AGBL1: variants seen among roughly 807,000 people sequenced by gnomAD.
The protein encoded by AGBL1 is AGBL carboxypeptidase 1.
Under a neutral mutation model 118.9 loss-of-function variants are expected in AGBL1, and 130 were observed. The ratio of observed to expected loss-of-function variants is 1.09; its 90% confidence interval spans 0.95 to 1.26. AGBL1 has a LOEUF of 1.26. AGBL1 is among the 50% of genes most tolerant of loss of function. AGBL1 has a pLI of 0.00. For missense variants in AGBL1, 1,584 were observed against 1,298.1 expected (o/e 1.22, Z -3.38); for synonymous variants, 555 against 478.9 (o/e 1.16, Z -2.08).
intron 5 of AGBL1, among the ~76,000 whole-genome samples, chr15:86,200,287 A>C (rs1003989448): frequency 6.6e-6 from 1 of 152,216 alleles, no homozygotes; most frequent in East Asian, 1.9e-4. Context: ...AAATTGATGG[A>C]TCAGAGACTT....
chr15:86,888,073 G>A (rs765621177), intron 22 of AGBL1, among the ~76,000 whole-genome samples: 2 of 152,052 alleles, frequency 1.3e-5, no homozygotes, highest in South Asian at 2.1e-4. Context: ...TGCATCTTGC[G>A]GGAGCATCAA....
chr15:86,848,287 A>G (rs1424353052), intron 22 of AGBL1, among the ~76,000 whole-genome samples: 1 of 152,044 alleles, frequency 6.6e-6, no homozygotes, highest in Non-Finnish European at 1.5e-5. Flanking sequence ...TTTATTTTTT[A>G]GTTTTTACTT....
At chr15:86,672,127 G>C (rs79963602) in intron 21 of AGBL1, among the ~76,000 whole-genome samples, 1 of 151,962 alleles carries the variant, frequency 6.6e-6, no homozygotes, top group Non-Finnish European at 1.5e-5. Flanking sequence ...AGAGTAAAGA[G>C]AAAAAAACAG....
intron 17 of AGBL1, among the ~76,000 whole-genome samples, chr15:86,357,264 C>T (rs1467175268): frequency 6.6e-6 from 1 of 152,098 alleles, no homozygotes; most frequent in African/African-American, 2.4e-5. Flanking sequence ...AATTTTCTTC[C>T]AGTTAGAAGA....
chr15:86,522,107 A>G (rs939096793), intron 18 of AGBL1, among the ~76,000 whole-genome samples: 2 of 152,150 alleles, frequency 1.3e-5, no homozygotes, highest in Admixed American at 6.5e-5. Flanking sequence ...TCACTTTTGT[A>G]AAGTAACTTG....
At chr15:86,143,526 C>T (rs927275500) in intron 2 of AGBL1, among the ~76,000 whole-genome samples, 173 bp from the exon 3 acceptor site, 10 of 152,226 alleles carry the variant, frequency 6.6e-5, no homozygotes, top group African/African-American at 2.4e-4. Context: ...TCACAACCCT[C>T]TTCCCTTAAC....
chr15:86,480,715 G>C (rs2082639831), intron 18 of AGBL1, among the ~76,000 whole-genome samples: 1 of 151,904 alleles, frequency 6.6e-6, no homozygotes, highest in Non-Finnish European at 1.5e-5. Flanking sequence ...AAGCAGAAAG[G>C]AAGATAAGAT....
At chr15:86,087,798 C>T (rs998212751) in intron 1 of AGBL1, among the ~76,000 whole-genome samples, 3 of 152,194 alleles carry the variant, frequency 2.0e-5, no homozygotes, top group Admixed American at 6.5e-5. Flanking sequence ...GTGCCCTCAC[C>T]AGGTGCATTA....
chr15:86,413,302 A>T (rs2081647149), intron 18 of AGBL1, among the ~76,000 whole-genome samples: 1 of 152,224 alleles, frequency 6.6e-6, no homozygotes, highest in Admixed American at 6.5e-5. Context: ...CAAGGATAAC[A>T]TATTTGCAAT....
At chr15:86,902,696 T>C (rs58836065) in intron 22 of AGBL1, among the ~76,000 whole-genome samples, 1,717 of 152,276 alleles carry the variant, frequency 0.011, 36 homozygotes, top group African/African-American at 0.039. Flanking sequence ...GGTTGTCAGT[T>C]CTTTGCTTTC....
intron 1 of AGBL1, among the ~76,000 whole-genome samples, chr15:86,126,981 C>T (rs973267147): frequency 6.6e-6 from 1 of 152,162 alleles, no homozygotes; most frequent in Non-Finnish European, 1.5e-5. Flanking sequence ...CCAATGAGCT[C>T]ATGATATGGC....
At chr15:86,466,159 C>A (rs1031217836) in intron 18 of AGBL1, among the ~76,000 whole-genome samples, 1 of 152,206 alleles carries the variant, frequency 6.6e-6, no homozygotes, top group Non-Finnish European at 1.5e-5. Context: ...GGTCTTTTCA[C>A]ATAATCCCAT....
chr15:86,284,168 C>G (rs2079402648), intron 16 of AGBL1, among the ~76,000 whole-genome samples: 1 of 143,040 alleles, frequency 7.0e-6, no homozygotes, highest in Non-Finnish European at 1.5e-5. Context: ...ATACCCGTTC[C>G]ATAATTCATA....
intron 22 of AGBL1, among the ~76,000 whole-genome samples, chr15:86,722,555 T>G (rs1465697787): frequency 6.6e-6 from 1 of 152,164 alleles, no homozygotes; most frequent in African/African-American, 2.4e-5. Context: ...ATAAAAACCC[T>G]AGAAGAAAAC....
intron 22 of AGBL1, among the ~76,000 whole-genome samples, chr15:86,813,214 CAG>C (rs887135521): frequency 2.7e-4 from 41 of 151,412 alleles, no homozygotes; most frequent in African/African-American, 9.2e-4. Context: ...GGGGGGGCCT[CAG>C]GGGATGTGGA....
At chr15:86,250,912 C>A (rs563931342) in intron 7 of AGBL1, among the ~76,000 whole-genome samples, 19 of 152,296 alleles carry the variant, frequency 1.2e-4, no homozygotes, top group African/African-American at 4.6e-4. Context: ...TTGCCATTTG[C>A]AAATTATGCT....
At position 86,749,801 on chromosome 15, in the gene AGBL1, C is replaced by G. The variant is rs150873449; in HGVS notation, c.3158+75365C>G. On this transcript the variant is annotated intron_variant, in intron 22 of 22. Coordinates refer to ENST00000614907, the MANE Select transcript of AGBL1 (RefSeq NM_001386094.1). ...TTTTGTCTTTGGTTCTGTTTATATG[C>G]TGGATTACTTTTATTGATTTGCGTA... is the stretch of plus-strand genomic sequence containing the variant. Among the ~76,000 whole-genome samples the G allele has an allele frequency of 6.2e-3, 944 of 152,194 alleles. 6 individuals are homozygous for G. Among genetic ancestry groups the G allele is most frequent in the Non-Finnish European group, 0.012 (786 of 68,002 alleles).
intron 21 of AGBL1, among the ~76,000 whole-genome samples, chr15:86,557,110 C>T (rs1329487176): frequency 1.3e-5 from 2 of 152,138 alleles, no homozygotes; most frequent in African/African-American, 4.8e-5. Context: ...CTTTGGGATA[C>T]AGTCTCTGTT....
At chr15:86,313,479 C>T (rs900985084) in intron 17 of AGBL1, among the ~76,000 whole-genome samples, 4 of 152,160 alleles carry the variant, frequency 2.6e-5, no homozygotes, top group East Asian at 1.9e-4. Context: ...CAATCAATAA[C>T]AATTTCTAAT....
Sources: gnomAD v4.1 joint callset for allele counts (sites outside exome capture counted in the v4.1 genomes callset) on GRCh38, gnomAD v4.1.1 for gene constraint, MANE v1.5 for transcripts, NCBI Gene and HGNC (gene_info 2026-07-23, HGNC 2026-07-21) for gene names.